The following SPSB1 variants were observed in gnomAD, a reference collection of about 807,000 sequenced individuals.
SPSB1 encodes splA/ryanodine receptor domain and SOCS box containing 1.
SPSB1 carries 8 observed loss-of-function variants against 21.2 expected under a neutral mutation model. That is an observed-to-expected ratio of 0.38 (90% CI 0.22 to 0.68). SPSB1 has a LOEUF of 0.68. Ranked by LOEUF, SPSB1 falls within the 30% of genes least tolerant of loss-of-function variation. The pLI is 0.53. For missense variants in SPSB1, 242 were observed against 377.8 expected, an observed-to-expected ratio of 0.64 and a Z score of 2.98; for synonymous variants, 169 against 161.7, an observed-to-expected ratio of 1.05 and a Z score of -0.34.
intron 1 of SPSB1, among the ~76,000 whole-genome samples, chr1:9,316,839 T>C (rs979042069): frequency 1.3e-5 from 2 of 152,174 alleles, no homozygotes; most frequent in Non-Finnish European, 2.9e-5. Flanking sequence ...TTCTCCCTGC[T>C]CCTATGACCT....
At chr1:9,322,295 G>C (rs747008619) in intron 1 of SPSB1, among the ~76,000 whole-genome samples, 5 of 152,204 alleles carry the variant, frequency 3.3e-5, no homozygotes, top group Non-Finnish European at 5.9e-5. Context: ...TCGGTTTGCA[G>C]GTGGGGAAAC....
rs1315149348 is a variant in SPSB1, at chr1:9,305,568, T to C, written c.-150+12497T>C. 6.6e-6 allele frequency among the ~76,000 whole-genome samples: 1 copy of C among 152,192 alleles called. No homozygotes were observed. The highest frequency in any genetic ancestry group is 1.5e-5 in the Non-Finnish European group (1 of 68,022). ...CCTAGCAGGGTCTGGGAGAGCTCGA[T>C]GTGGGCCCAGGGTGTGGGTGCTGGG... is the stretch of plus-strand genomic sequence containing the variant. On this transcript the variant is annotated intron_variant, in intron 1 of 2. Transcript: ENST00000328089. This position sits in a 1 kb window ranked among gnomAD's most constrained non-coding sequence, Gnocchi z 4.8.
intron 1 of SPSB1, among the ~76,000 whole-genome samples, chr1:9,322,372 T>C (rs1639735296): frequency 6.6e-6 from 1 of 152,210 alleles, no homozygotes; most frequent in African/African-American, 2.4e-5. Context: ...CGCAGGGTTG[T>C]CAGCTCCAAA....
chr1:9,331,318 C>CGTTTT (rs1639913258), intron 1 of SPSB1, among the ~76,000 whole-genome samples: 2 of 71,666 alleles, frequency 2.8e-5, no homozygotes, highest in African/African-American at 1.2e-4. Context: ...TACTGGTGCT[C>CGTTTT]TTGTTTTTTT....
At chr1:9,304,511 G>A (rs759267903) in intron 1 of SPSB1, among the ~76,000 whole-genome samples, 7 of 152,188 alleles carry the variant, frequency 4.6e-5, no homozygotes, top group Non-Finnish European at 8.8e-5. Context: ...GGGAGATGGC[G>A]GTTCATATCC....
rs1370849216 is a variant in SPSB1, at chr1:9,321,900, T to G, written c.-150+28829T>G. Among the ~76,000 whole-genome samples the G allele has an allele frequency of 3.3e-5, 5 of 152,234 alleles. No individual in the cohort carries two copies. The highest frequency in any genetic ancestry group is 2.1e-4 in the South Asian group (1 of 4,822). On this transcript the variant is annotated intron_variant, in intron 1 of 2. Transcript: ENST00000328089. The surrounding 1 kb of genome is among the most constrained non-coding windows in gnomAD (Gnocchi z 4.8). ...GTGGGGAATATGACAGCAGCAAGAT[T>G]AATACCCGTAGGTGCCATTGACGAG... is the stretch of plus-strand genomic sequence containing the variant.
At chr1:9,331,698 G>A (rs1017451931) in intron 1 of SPSB1, among the ~76,000 whole-genome samples, 2 of 152,006 alleles carry the variant, frequency 1.3e-5, no homozygotes, top group Non-Finnish European at 2.9e-5. Context: ...TCATTTCCCC[G>A]AAGCTGCCGG....
intron 1 of SPSB1, among the ~76,000 whole-genome samples, chr1:9,355,098 GCCTT>G (rs1174037623): frequency 6.6e-6 from 1 of 152,210 alleles, no homozygotes; most frequent in Non-Finnish European, 1.5e-5. Flanking sequence ...CTGAATCGAG[GCCTT>G]CCCTTGAGAA....
chr1:9,312,970 C>T (rs1460745362), intron 1 of SPSB1, among the ~76,000 whole-genome samples: 2 of 152,178 alleles, frequency 1.3e-5, no homozygotes, highest in African/African-American at 4.8e-5. Context: ...GACCAGTTTG[C>T]TTGATGTTTA....
intron 1 of SPSB1, among the ~76,000 whole-genome samples, chr1:9,315,802 A>T (rs1200032875): frequency 1.3e-5 from 2 of 152,218 alleles, no homozygotes; most frequent in African/African-American, 4.8e-5. Flanking sequence ...CTCTTTGCAA[A>T]CGGTTCAGTT....
chr1:9,358,019 G>A (rs1235261725), intron 2 of SPSB1, among the ~76,000 whole-genome samples: 1 of 152,194 alleles, frequency 6.6e-6, no homozygotes, highest in Non-Finnish European at 1.5e-5. Flanking sequence ...GCAAGAGGCA[G>A]AGGGGGGTGA....
At position 9,367,619 on chromosome 1, in the gene SPSB1, C is replaced by T. The variant is rs771562509; in HGVS notation, c.*44C>T. 1.3e-6 allele frequency: 2 copies of T among 1,542,230 alleles called. No homozygotes were observed. The highest frequency in any genetic ancestry group is 3.9e-5 in the Admixed American group (2 of 51,130). ...CAGCGCGACAGCCACCTGGTGCCAA[C>T]TCACTGAGCCGCCTGCCGCTGGGGC... On this transcript the variant is annotated 3_prime_UTR_variant, in exon 3 of 3. Coordinates refer to ENST00000328089, the MANE Select transcript of SPSB1 (RefSeq NM_025106.4). This position sits in a 1 kb window ranked among gnomAD's most constrained non-coding sequence, Gnocchi z 5.9.
chr1:9,342,822 G>A (rs1367506370), intron 1 of SPSB1, among the ~76,000 whole-genome samples: 7 of 152,220 alleles, frequency 4.6e-5, no homozygotes, highest in Non-Finnish European at 1.0e-4. Flanking sequence ...GAACAGAAAG[G>A]GGAGGGGGCA....
chr1:9,341,236 C>G (rs1229910753), intron 1 of SPSB1, among the ~76,000 whole-genome samples: 1 of 152,250 alleles, frequency 6.6e-6, no homozygotes, highest in African/African-American at 2.4e-5. Flanking sequence ...ACGGTACACA[C>G]ACCACTCCCC....
intron 2 of SPSB1, among the ~76,000 whole-genome samples, chr1:9,359,849 G>GT (rs1209529169): frequency 6.6e-6 from 1 of 151,142 alleles, no homozygotes. Context: ...ATGGAAGCCG[G>GT]GGGGGTGGGT....
intron 1 of SPSB1, among the ~76,000 whole-genome samples, chr1:9,306,969 T>C (rs1306199478): frequency 6.6e-6 from 1 of 151,188 alleles, no homozygotes; most frequent in Non-Finnish European, 1.5e-5. Flanking sequence ...GCTCTGTCAT[T>C]CAGGCTAGGG....
chr1:9,364,210 A>G lies in SPSB1; in HGVS notation c.695-3238A>G, dbSNP rs139462257. ...GCCACATTCTCCCGGGAGGGAGCTC[A>G]GGGCAGCCCAGACCCCTTGGCCCTG... On this transcript the variant is annotated intron_variant, in intron 2 of 2. Coordinates refer to ENST00000328089, the MANE Select transcript of SPSB1 (RefSeq NM_025106.4). Among the ~76,000 whole-genome samples the G allele has an allele frequency of 7.1e-4, 108 of 152,360 alleles. No homozygotes were observed. In the Middle Eastern group the frequency reaches 0.01, roughly 14 times the overall value.
intron 2 of SPSB1, among the ~76,000 whole-genome samples, chr1:9,365,117 G>T (rs745804744): frequency 1.3e-5 from 2 of 151,916 alleles, no homozygotes; most frequent in Admixed American, 1.3e-4. Flanking sequence ...TCGGCCTCCC[G>T]AAGTGCTGGG....
At chr1:9,335,630 A>G (rs1192540873) in intron 1 of SPSB1, among the ~76,000 whole-genome samples, 4 of 152,140 alleles carry the variant, frequency 2.6e-5, no homozygotes, top group Non-Finnish European at 5.9e-5. Flanking sequence ...GGGAGATCCC[A>G]TCTCTACAAA....
Sources: gnomAD v4.1 joint callset for allele counts (sites outside exome capture counted in the v4.1 genomes callset) on GRCh38, gnomAD v4.1.1 for gene constraint, Gnocchi (gnomAD v3.1) non-coding constraint, MANE v1.5 for transcripts, NCBI Gene and HGNC (gene_info 2026-07-23, HGNC 2026-07-21) for gene names.